Variants in REEP1 observed in about 807,000 individuals in gnomAD.
REEP1 encodes the protein receptor accessory protein 1, also known as receptor expression-enhancing protein 1.
REEP1 carries 22 observed loss-of-function variants against 40.3 expected under a neutral mutation model. That is an observed-to-expected ratio of 0.55 (90% confidence interval 0.39 to 0.78). REEP1 has a LOEUF of 0.78. Ranked by LOEUF, REEP1 falls within the 30% of genes least tolerant of loss-of-function variation. The pLI is 0.00. For missense variants in REEP1, 280 were observed against 361.1 expected, an observed-to-expected ratio of 0.78 and a Z score of 1.82; for synonymous variants, 116 against 139.2, an observed-to-expected ratio of 0.83 and a Z score of 1.17.
At chr2:86,243,298 C>G (rs1181489732) in intron 5 of REEP1, among the ~76,000 whole-genome samples, 1 of 152,172 alleles carries the variant, frequency 6.6e-6, no homozygotes, top group Non-Finnish European at 1.5e-5. Context: ...GACAGCCCTT[C>G]CCACTCACGC....
chr2:86,293,897 T>C (rs1215970931), intron 1 of REEP1, among the ~76,000 whole-genome samples: 3 of 152,184 alleles, frequency 2.0e-5, no homozygotes, highest in Non-Finnish European at 4.4e-5. Context: ...ATGGAAGCAA[T>C]CCAAGTGACC....
At chr2:86,253,729 T>C (rs1423894681) in intron 4 of REEP1, among the ~76,000 whole-genome samples, 2 of 152,242 alleles carry the variant, frequency 1.3e-5, no homozygotes, top group African/African-American at 4.8e-5. Context: ...CCGAAACTTG[T>C]ACAGTAGCCT....
At chr2:86,254,259 G>A (rs1676427452) in intron 4 of REEP1, among the ~76,000 whole-genome samples, 1 of 151,924 alleles carries the variant, frequency 6.6e-6, no homozygotes, top group Non-Finnish European at 1.5e-5. Context: ...TTGAACTTCT[G>A]GGCTCAAGTG....
chr2:86,318,908 T>A (rs1416248726), intron 1 of REEP1, among the ~76,000 whole-genome samples: 1 of 152,242 alleles, frequency 6.6e-6, no homozygotes, highest in African/African-American at 2.4e-5. Flanking sequence ...TTCTTTCAAC[T>A]TTTATACAGG....
chr2:86,280,564 G>C (rs555750619), intron 2 of REEP1, among the ~76,000 whole-genome samples: 1 of 152,328 alleles, frequency 6.6e-6, no homozygotes, highest in East Asian at 1.9e-4. Flanking sequence ...GGGAGGGCTA[G>C]GAGAAGCTGC....
At chr2:86,270,998 C>G (rs1212565146) in intron 2 of REEP1, among the ~76,000 whole-genome samples, 1 of 151,878 alleles carries the variant, frequency 6.6e-6, no homozygotes, top group Non-Finnish European at 1.5e-5. Context: ...TCTAGACCAG[C>G]CTGGGCAACT....
At chr2:86,297,428 C>G (rs1212414741) in intron 1 of REEP1, among the ~76,000 whole-genome samples, 2 of 152,224 alleles carry the variant, frequency 1.3e-5, no homozygotes, top group African/African-American at 4.8e-5. Flanking sequence ...CACAGACTTG[C>G]AAAAATGCTT....
chr2:86,281,685 G>T (rs540613896), intron 2 of REEP1, among the ~76,000 whole-genome samples: 1 of 152,236 alleles, frequency 6.6e-6, no homozygotes, highest in African/African-American at 2.4e-5. Flanking sequence ...CCTTCAGAAG[G>T]TTATAGAGCA....
intron 2 of REEP1, among the ~76,000 whole-genome samples, chr2:86,281,426 G>A (rs1280531307): frequency 2.6e-5 from 4 of 152,112 alleles, no homozygotes; most frequent in East Asian, 1.9e-4. Context: ...TCAGGAGTTC[G>A]AGACCAGCCT....
chr2:86,334,492 G>T (rs1680918632), intron 1 of REEP1, among the ~76,000 whole-genome samples: 1 of 152,110 alleles, frequency 6.6e-6, no homozygotes, highest in Non-Finnish European at 1.5e-5. Context: ...AAAAAGCACT[G>T]GACTGGACTA....
chr2:86,316,356 T>C (rs1375604223), intron 1 of REEP1, among the ~76,000 whole-genome samples: 2 of 151,386 alleles, frequency 1.3e-5, no homozygotes, highest in East Asian at 3.9e-4. Context: ...CTAGCCAACA[T>C]GATGAAACCT....
intron 2 of REEP1, among the ~76,000 whole-genome samples, chr2:86,280,862 C>T (rs915420998): frequency 1.6e-4 from 25 of 152,032 alleles, no homozygotes; most frequent in African/African-American, 5.8e-4. Context: ...CTTGGGAAAT[C>T]TGAGAAAAAA....
intron 1 of REEP1, among the ~76,000 whole-genome samples, chr2:86,314,232 G>T (rs1222018315): frequency 6.6e-6 from 1 of 152,172 alleles, no homozygotes; most frequent in East Asian, 1.9e-4. Flanking sequence ...ATCTCATCCT[G>T]CTGCCAGCCC....
chr2:86,283,563 G>A (rs942591294), intron 1 of REEP1, among the ~76,000 whole-genome samples: 3 of 152,186 alleles, frequency 2.0e-5, no homozygotes, highest in Non-Finnish European at 4.4e-5. Flanking sequence ...CCAAGCAGGG[G>A]TCAGCTTTAC....
At chr2:86,234,227 G>T (rs568885350) in intron 5 of REEP1, among the ~76,000 whole-genome samples, 20 of 152,154 alleles carry the variant, frequency 1.3e-4, no homozygotes, top group African/African-American at 4.3e-4. Flanking sequence ...TAGAAGAAAC[G>T]CCAGAAGAGG....
At chr2:86,227,945 C>A (rs1433812440) in intron 6 of REEP1, among the ~76,000 whole-genome samples, 1 of 152,242 alleles carries the variant, frequency 6.6e-6, no homozygotes. Flanking sequence ...ATTCTTTCAA[C>A]ATTTCTTGTA....
chr2:86,227,470 G>A (rs1674770393), intron 6 of REEP1, 72 bp from the exon 7 acceptor site: 1 of 1,198,532 alleles, frequency 8.3e-7, no homozygotes, highest in Non-Finnish European at 1.0e-6. Flanking sequence ...GGCAAACAGG[G>A]AGGCCCTGGA....
At chr2:86,317,468 C>T (rs1252732697) in intron 1 of REEP1, among the ~76,000 whole-genome samples, 1 of 152,112 alleles carries the variant, frequency 6.6e-6, no homozygotes, top group Non-Finnish European at 1.5e-5. Context: ...CCCTAAAACC[C>T]CTTCAGAGGG....
chr2:86,268,494 T>C (rs1423806003), intron 2 of REEP1, among the ~76,000 whole-genome samples: 1 of 152,166 alleles, frequency 6.6e-6, no homozygotes, highest in Non-Finnish European at 1.5e-5. Flanking sequence ...TCTAAATAAA[T>C]GGAGAAATAT....
Sources: gnomAD v4.1 joint callset for allele counts (sites outside exome capture counted in the v4.1 genomes callset) on GRCh38, gnomAD v4.1.1 for gene constraint, MANE v1.5 for transcripts, NCBI Gene and HGNC (gene_info 2026-07-23, HGNC 2026-07-21) for gene names.